The following CNIH3 variants were observed in gnomAD, a reference collection of about 807,000 sequenced individuals.
CNIH3 encodes the protein cornichon family AMPA receptor auxiliary protein 3.
In CNIH3, 14 loss-of-function variants were observed where a neutral mutation model predicts 24.1. The observed-to-expected ratio is 0.58, with a 90% confidence interval of 0.38 to 0.91. The LOEUF (loss-of-function observed/expected upper bound fraction) is 0.91. CNIH3 is among the 40% of genes least tolerant of loss of function. The pLI is 0.00. For missense variants in CNIH3, 178 were observed against 196.8 expected, an observed-to-expected ratio of 0.90 and a Z score of 0.57; for synonymous variants, 68 against 73.8, an observed-to-expected ratio of 0.92 and a Z score of 0.40.
chr1:224,570,365 G>A (rs953355138), intron 4 of CNIH3, among the ~76,000 whole-genome samples: 16 of 151,884 alleles, frequency 1.1e-4, no homozygotes, highest in Admixed American at 2.0e-4. Flanking sequence ...TGCCACCTTT[G>A]TGTCCACATG....
rs117197177 is a variant in CNIH3 at position 224,671,050 on chromosome 1, C to T, written c.82-9908C>T. Among the ~76,000 whole-genome samples, 436 of 152,354 alleles carry T rather than the reference C, an allele frequency of 2.9e-3. 8 individuals carry two copies. In the East Asian group the frequency reaches 0.03, roughly 10 times the overall value. On this transcript the variant is annotated intron_variant, in intron 1 of 5. Transcript: ENST00000272133. ...AGCAAGAGGGAATTCTGTCAGCAGA[C>T]GGCCTTTGGACTTGAACCATGGCAC...
chr1:224,456,022 T>G (rs1675635322), intron 1 of CNIH3, among the ~76,000 whole-genome samples: 1 of 152,230 alleles, frequency 6.6e-6, no homozygotes, highest in South Asian at 2.1e-4. Context: ...GTATAGTGAC[T>G]AAAGTAATTA....
intron 1 of CNIH3, 53 bp downstream of exon 1, chr1:224,617,308 C>A: frequency 6.3e-7 from 1 of 1,578,936 alleles, no homozygotes; most frequent in Non-Finnish European, 8.6e-7. Context: ...GCTAAATTTC[C>A]CCGATTTCAC....
chr1:224,463,245 T>C (rs12731630), intron 1 of CNIH3, among the ~76,000 whole-genome samples: 42,789 of 152,074 alleles, frequency 0.28, 7,454 homozygotes, highest in African/African-American at 0.49. Flanking sequence ...GTGCTTGTAC[T>C]GTTTTCCATT....
chr1:224,643,659 TG>T (rs1684466933), intron 1 of CNIH3, among the ~76,000 whole-genome samples: 1 of 152,166 alleles, frequency 6.6e-6, no homozygotes. Flanking sequence ...AGAGACAGTT[TG>T]AAGGGTGAGA....
chr1:224,538,263 A>G (rs1233201226), downstream of CNIH3, among the ~76,000 whole-genome samples: 2 of 151,634 alleles, frequency 1.3e-5, no homozygotes, highest in Non-Finnish European at 2.9e-5. Flanking sequence ...CATGTTAATT[A>G]AAGTGGAAAA....
chr1:224,722,624 G>A (rs1488549133), intron 3 of CNIH3, among the ~76,000 whole-genome samples: 1 of 152,150 alleles, frequency 6.6e-6, no homozygotes, highest in Non-Finnish European at 1.5e-5. Flanking sequence ...TTAGAAAGGG[G>A]GACTCTTAGG....
chr1:224,453,205 C>T (rs992703109), intron 1 of CNIH3, among the ~76,000 whole-genome samples: 2 of 151,944 alleles, frequency 1.3e-5, no homozygotes, highest in Non-Finnish European at 2.9e-5. Flanking sequence ...CAGTCTGTCT[C>T]TGTCATCCAG....
chr1:224,498,398 C>G (rs1041409742), intron 1 of CNIH3, among the ~76,000 whole-genome samples: 3 of 152,130 alleles, frequency 2.0e-5, no homozygotes, highest in African/African-American at 4.8e-5. Flanking sequence ...TAACAGGAAG[C>G]CAGTAACCAG....
intron 2 of CNIH3, among the ~76,000 whole-genome samples, chr1:224,683,149 G>C (rs1211944912): frequency 1.3e-5 from 2 of 152,096 alleles, no homozygotes; most frequent in Non-Finnish European, 2.9e-5. Flanking sequence ...ATATTGAAGT[G>C]GTGGCATAGA....
chr1:224,441,272 A>G (rs1674901508), intron 1 of CNIH3, among the ~76,000 whole-genome samples: 1 of 152,228 alleles, frequency 6.6e-6, no homozygotes, highest in Non-Finnish European at 1.5e-5. Flanking sequence ...AACATGCCAG[A>G]TAAGGCAATG....
In CNIH3 at chr1:224,452,976, C is replaced by T. The variant is rs191514571; in HGVS notation, n.203+18114C>T. On this transcript the variant is annotated intron_variant and non_coding_transcript_variant, in intron 1 of 5. Coordinates refer to the CNIH3 transcript ENST00000471578. The stretch of plus-strand genomic sequence containing the variant: ...TCTCTACTAAAAATACAAAATTAGC[C>T]GGTTTTGGTGGCGCATGCCTGTAAT... Among the ~76,000 whole-genome samples the T allele has an allele frequency of 5.9e-4, 89 of 150,614 alleles. 1 individual carries two copies. The highest frequency in any genetic ancestry group is 4.6e-3 in the Admixed American group (69 of 15,076).
intron 1 of CNIH3, among the ~76,000 whole-genome samples, chr1:224,669,827 G>A (rs712093): frequency 0.058 from 8,903 of 152,194 alleles, 700 homozygotes; most frequent in African/African-American, 0.18. Context: ...CTTGGAGGGG[G>A]TTAAGCACCT....
chr1:224,734,148 T>TG (rs1689477338), intron 4 of CNIH3, among the ~76,000 whole-genome samples: 1 of 152,190 alleles, frequency 6.6e-6, no homozygotes, highest in South Asian at 2.1e-4. Flanking sequence ...TCCCGAAGTA[T>TG]TCAGGATTTT....
intron 1 of CNIH3, among the ~76,000 whole-genome samples, chr1:224,464,628 T>C (rs541195770): frequency 9.2e-5 from 14 of 152,358 alleles, no homozygotes; most frequent in African/African-American, 3.4e-4. Flanking sequence ...AAATTAGTTC[T>C]CCATTTATGT....
intron 1 of CNIH3, among the ~76,000 whole-genome samples, chr1:224,468,824 CA>C (rs1214427002): frequency 0.018 from 1,878 of 104,382 alleles, 6 homozygotes; most frequent in Non-Finnish European, 0.023. Context: ...GACCCTGTCT[CA>C]AAAAAAAAAA....
rs114183529 is a variant in CNIH3, at chr1:224,691,131, C to A, written c.198+6288C>A. Among the ~76,000 whole-genome samples the A allele has an allele frequency of 8.8e-3, 1,344 of 152,340 alleles. 15 individuals are homozygous for A. The highest frequency in any genetic ancestry group is 0.03 in the African/African-American group (1,258 of 41,580). ...ATTATTATTAATGCTTCCTTACCCT[C>A]CCCTCTCTCCAGGACTGTCTACATA... On this transcript the variant is annotated intron_variant, in intron 3 of 5. Transcript: ENST00000272133.
intron 3 of CNIH3, among the ~76,000 whole-genome samples, chr1:224,595,653 G>A (rs930980719): frequency 1.3e-5 from 2 of 152,204 alleles, no homozygotes; most frequent in Non-Finnish European, 2.9e-5. Flanking sequence ...ATCGAAAGTC[G>A]AGATGGGCCA....
chr1:224,632,948 A>C (rs1304983948), intron 1 of CNIH3, among the ~76,000 whole-genome samples: 1 of 152,124 alleles, frequency 6.6e-6, no homozygotes, highest in East Asian at 1.9e-4. Flanking sequence ...ACCTCCCTGC[A>C]TCCCCCTGGA....
Sources: gnomAD v4.1 joint callset for allele counts (sites outside exome capture counted in the v4.1 genomes callset) on GRCh38, gnomAD v4.1.1 for gene constraint, MANE v1.5 for transcripts, NCBI Gene and HGNC (gene_info 2026-07-23, HGNC 2026-07-21) for gene names.